The following NCOA1 variants were observed in gnomAD, a reference collection of about 807,000 sequenced individuals.
NCOA1 encodes the protein Hin-2 protein.
In NCOA1, 35 loss-of-function variants were observed where a neutral mutation model predicts 150.9. The observed-to-expected ratio is 0.23, with a 90% CI of 0.18 to 0.31. The LOEUF is 0.31. Ranked by LOEUF, NCOA1 falls within the 10% of genes least tolerant of loss-of-function variation. The pLI, the probability that NCOA1 is intolerant of heterozygous loss-of-function variation, is 1.00. For synonymous variants in NCOA1, 590 were observed against 630.0 expected, an observed-to-expected ratio of 0.94 and a Z score of 0.95; for missense variants, 1,491 against 1,749.3, an observed-to-expected ratio of 0.85 and a Z score of 2.63.
intron 14 of NCOA1, among the ~76,000 whole-genome samples, chr2:24,722,682 A>AT (rs898304980): frequency 3.3e-5 from 5 of 151,504 alleles, no homozygotes; most frequent in South Asian, 2.1e-4. Flanking sequence ...TTCTGGGATA[A>AT]TTTTTTTTTA....
intron 3 of NCOA1, among the ~76,000 whole-genome samples, chr2:24,596,917 A>T (rs1183231174): frequency 6.6e-6 from 1 of 152,208 alleles, no homozygotes; most frequent in Non-Finnish European, 1.5e-5. Flanking sequence ...TTCAAACTGG[A>T]ACAAGATTCT....
chr2:24,762,484 G>T (rs1009413866), intron 21 of NCOA1, among the ~76,000 whole-genome samples: 6 of 152,146 alleles, frequency 3.9e-5, no homozygotes, highest in South Asian at 4.1e-4. Flanking sequence ...TACCCCAGAG[G>T]TTCTCCTTGT....
rs567049242 is a variant in NCOA1 at position 24,565,530 on chromosome 2, A to G, written c.-260+1100A>G. ...TATGTAAAGCATAAATTCCAAAAAT[A>G]ATAAGAATTCATGATATTGGGAATC... is the stretch of plus-strand genomic sequence containing the variant. On this transcript the variant is annotated intron_variant, in intron 2 of 22. Transcript: ENST00000348332. 1.8e-4 allele frequency among the ~76,000 whole-genome samples: 27 copies of G among 151,998 alleles called. 1 individual carries two copies. In the South Asian group the frequency reaches 5.4e-3, roughly 30 times the overall value.
chr2:24,644,632 G>C (rs1228590058), intron 4 of NCOA1, among the ~76,000 whole-genome samples: 1 of 152,026 alleles, frequency 6.6e-6, no homozygotes, highest in African/African-American at 2.4e-5. Flanking sequence ...AATAGAACCA[G>C]TATATCCGTG....
intron 14 of NCOA1, among the ~76,000 whole-genome samples, chr2:24,715,116 A>G (rs919199905): frequency 1.3e-5 from 2 of 152,150 alleles, no homozygotes; most frequent in Admixed American, 1.3e-4. Flanking sequence ...TTTCAAACAA[A>G]CCACCCTGAG....
At chr2:24,501,812 A>G (rs932385668) in intron 1 of NCOA1, among the ~76,000 whole-genome samples, 2 of 152,118 alleles carry the variant, frequency 1.3e-5, no homozygotes, top group African/African-American at 4.8e-5. Flanking sequence ...GCTTTCACCA[A>G]ATTTCTGAAA....
chr2:24,665,751 C>T lies in NCOA1; in HGVS notation c.92C>T (p.Thr31Met), dbSNP rs769307134. The T allele has an allele frequency of 2.7e-5, 42 of 1,543,000 alleles. No individual in the cohort carries two copies. Among genetic ancestry groups the T allele is most frequent in the Middle Eastern group, 1.7e-4 (1 of 5,840 alleles). Residue 31 changes from threonine to methionine, a missense_variant and splice_region_variant, in exon 6 of 23, where the codon ACG (threonine) becomes ATG (methionine). By Grantham distance (81) the Thr-to-Met change is moderately conservative. Transcript: ENST00000348332. ...GSPCDTLASS[T>M]EKRRREQENK... ...ACTGGATTTTCTTTGTGTAACAGCA[C>T]GGAAAAGAGGCGCAGGGAGCAAGAA...
At chr2:24,670,086 TGTGATTGTGCC>T (rs1420338517) in intron 6 of NCOA1, among the ~76,000 whole-genome samples, 3 of 152,108 alleles carry the variant, frequency 2.0e-5, no homozygotes, top group Non-Finnish European at 4.4e-5. Context: ...TGCAATGAGC[TGTGATTGTGCC>T]ACTGCACTCC....
In NCOA1 at chr2:24,610,433, G is replaced by A. The variant is rs79189024; in HGVS notation, c.-175+25873G>A. Among the ~76,000 whole-genome samples, 513 of 151,942 alleles carry A rather than the reference G, an allele frequency of 3.4e-3. 4 individuals are homozygous for A. Among genetic ancestry groups the A allele is most frequent in the Non-Finnish European group, 6.0e-3 (411 of 67,950 alleles). ...TGGGATTATAGGTGTGAGCCACAGC[G>A]CCCAGCCTTTACGCTGCATTCTGAA... On this transcript the variant is annotated intron_variant, in intron 3 of 22. Transcript: ENST00000348332.
rs556408860 is a variant in NCOA1 at position 24,607,457 on chromosome 2, A to T, written c.-175+22897A>T. Among the ~76,000 whole-genome samples, 160 of 152,298 alleles carry T rather than the reference A, an allele frequency of 1.1e-3. 2 individuals carry two copies. The highest frequency in any genetic ancestry group is 3.6e-3 in the African/African-American group (150 of 41,570). ...GTCATCCCAGCACTTTGGGAGGCCA[A>T]GGCGGGCGGATCATGAGGTCAGGAG... On this transcript the variant is annotated intron_variant, in intron 3 of 22. Transcript: ENST00000348332.
At chr2:24,702,602 TA>T (rs1673217773) in intron 11 of NCOA1, among the ~76,000 whole-genome samples, 1 of 152,008 alleles carries the variant, frequency 6.6e-6, no homozygotes, top group Admixed American at 6.6e-5. Flanking sequence ...TAAAAATAAA[TA>T]AAAAATAAAT....
At chr2:24,554,358 TTGTTTTTTGTTG>T (rs1272989365) in intron 1 of NCOA1, 3 of 152,222 alleles carry the variant, frequency 2.0e-5, no homozygotes, top group Admixed American at 1.3e-4. Context: ...TTGTTTGTTT[TTGTTTTTTGTTG>T]TGTTTTTTGT....
At chr2:24,636,561 A>G (rs1669945668) in intron 3 of NCOA1, among the ~76,000 whole-genome samples, 1 of 152,156 alleles carries the variant, frequency 6.6e-6, no homozygotes, top group Non-Finnish European at 1.5e-5. Flanking sequence ...TTAAATAAAT[A>G]AAGACAATTT....
chr2:24,500,148 G>A (rs1290450153), intron 1 of NCOA1, among the ~76,000 whole-genome samples: 5 of 151,438 alleles, frequency 3.3e-5, no homozygotes, highest in South Asian at 2.1e-4. Context: ...CGCTCTTGTC[G>A]CCCAGGCTGG....
chr2:24,726,638 A>G lies in NCOA1; in HGVS notation c.2649A>G (p.Pro883=), dbSNP rs966927401. 1 of 1,611,320 alleles carries G rather than the reference A, an allele frequency of 6.2e-7. No homozygotes were observed. Among genetic ancestry groups the G allele is most frequent in the Non-Finnish European group, 8.5e-7 (1 of 1,178,718 alleles). ...CAATTGATAACCAATTTGGACAACC[A>G]GGAACAGGCGATCAGATTCCATGGA... ...LEAIDNQFGQ[P]GTGDQIPWTN... Residue 883 remains proline (P), a synonymous_variant, in exon 15 of 23, where the codon CCA becomes CCG. Transcript: ENST00000348332.
chr2:24,621,479 C>A (rs1430578780), intron 3 of NCOA1, among the ~76,000 whole-genome samples: 1 of 98,700 alleles, frequency 1.0e-5, no homozygotes, highest in South Asian at 3.6e-4. Context: ...ACAGAGTTTC[C>A]GTCTCAAGGC....
intron 7 of NCOA1, among the ~76,000 whole-genome samples, chr2:24,675,637 C>T (rs1226837399): frequency 2.0e-5 from 3 of 152,214 alleles, no homozygotes; most frequent in African/African-American, 7.2e-5. Flanking sequence ...ATAATCCCAG[C>T]ACTTTGGGAA....
chr2:24,557,920 T>C (rs534487148), intron 1 of NCOA1, among the ~76,000 whole-genome samples: 1 of 151,754 alleles, frequency 6.6e-6, no homozygotes, highest in South Asian at 2.1e-4. Flanking sequence ...GATATATCCA[T>C]GTATGTTTGG....
At chr2:24,738,626 C>A (rs545205695) in intron 17 of NCOA1, among the ~76,000 whole-genome samples, 11 of 152,226 alleles carry the variant, frequency 7.2e-5, no homozygotes, top group African/African-American at 2.2e-4. Flanking sequence ...CATAGTATAT[C>A]CCTTCTTGGC....
Sources: allele counts gnomAD v4.1 joint callset (sites outside exome capture counted in the v4.1 genomes callset), GRCh38; gene constraint gnomAD v4.1.1; transcripts MANE v1.5; gene names NCBI Gene and HGNC (gene_info 2026-07-23, HGNC 2026-07-21).